Variants in NAV3 observed in about 807,000 individuals in gnomAD.
NAV3 encodes the protein pore membrane and/or filament interacting like protein 1.
Under a neutral mutation model 244.7 loss-of-function variants are expected in NAV3, and 87 were observed. The observed-to-expected ratio is 0.36, with a 90% CI of 0.30 to 0.42. The LOEUF (loss-of-function observed/expected upper bound fraction) is 0.42. NAV3 is among the 20% of genes least tolerant of loss of function. The pLI, the probability that NAV3 is intolerant of heterozygous loss-of-function variation, is 1.00. For synonymous variants in NAV3, 1,126 were observed against 1,042.2 expected (o/e 1.08, Z -1.55); for missense variants, 2,663 against 2,893.3 (o/e 0.92, Z 1.83).
At chr12:77,911,828 C>T (rs1242289) in intron 1 of NAV3, among the ~76,000 whole-genome samples, 16,804 of 152,022 alleles carry the variant, frequency 0.11, 1,068 homozygotes, top group South Asian at 0.2. Context: ...AGTTGAGCCA[C>T]GCTAATTAGA....
chr12:77,945,466 C>T (rs775758508), intron 3 of NAV3, among the ~76,000 whole-genome samples: 9 of 151,920 alleles, frequency 5.9e-5, no homozygotes, highest in African/African-American at 9.7e-5. Context: ...GGATTATGGC[C>T]GGAACAGGGA....
intron 31 of NAV3, 93 bp downstream of exon 31, chr12:78,185,791 T>A: frequency 1.9e-6 from 2 of 1,062,640 alleles, no homozygotes; most frequent in Non-Finnish European, 2.8e-6. Flanking sequence ...CTGGTAAATA[T>A]CCTACAACAA....
At chr12:78,147,430 T>A (rs1280071400) in intron 21 of NAV3, among the ~76,000 whole-genome samples, 1 of 152,086 alleles carries the variant, frequency 6.6e-6, no homozygotes, top group Admixed American at 6.6e-5. Context: ...CTTTACAGTT[T>A]CCTGGATTAT....
chr12:78,087,488 C>A (rs2137942790), intron 12 of NAV3, among the ~76,000 whole-genome samples: 1 of 151,930 alleles, frequency 6.6e-6, no homozygotes, highest in East Asian at 1.9e-4. Flanking sequence ...CAATCTACAG[C>A]AAGAAATGAG....
At chr12:77,774,437 G>A (rs1450179031) in intron 2 of NAV3, among the ~76,000 whole-genome samples, 1 of 152,064 alleles carries the variant, frequency 6.6e-6, no homozygotes, top group African/African-American at 2.4e-5. Flanking sequence ...CTTCTCGGAG[G>A]ACATTATTTT....
intron 21 of NAV3, among the ~76,000 whole-genome samples, chr12:78,146,875 C>G (rs1397882380): frequency 6.6e-6 from 1 of 152,024 alleles, no homozygotes; most frequent in African/African-American, 2.4e-5. Context: ...TTGTTCTAAT[C>G]ACATATTTCA....
intron 26 of NAV3, among the ~76,000 whole-genome samples, chr12:78,176,902 C>T (rs1958252043): frequency 6.6e-6 from 1 of 152,062 alleles, no homozygotes. Context: ...TGCCCTTGAC[C>T]TTGCACTATT....
intron 3 of NAV3, among the ~76,000 whole-genome samples, chr12:77,943,878 C>G (rs1472558908): frequency 6.6e-6 from 1 of 152,044 alleles, no homozygotes; most frequent in Non-Finnish European, 1.5e-5. Flanking sequence ...AACTTGCTAC[C>G]CTTTATTGAA....
intron 8 of NAV3, among the ~76,000 whole-genome samples, chr12:78,014,135 A>G (rs1875783687): frequency 1.3e-5 from 2 of 152,104 alleles, no homozygotes; most frequent in Admixed American, 1.3e-4. Context: ...TTACAGAGAA[A>G]AGGGAGACCT....
intron 10 of NAV3, among the ~76,000 whole-genome samples, chr12:78,050,558 C>A (rs1464365474): frequency 2.0e-5 from 3 of 152,094 alleles, no homozygotes; most frequent in Non-Finnish European, 4.4e-5. Context: ...GTACTGATGG[C>A]CTTTCTTTTG....
chr12:78,156,303 T>C (rs987488806), intron 22 of NAV3, among the ~76,000 whole-genome samples: 1 of 152,098 alleles, frequency 6.6e-6, no homozygotes, highest in African/African-American at 2.4e-5. Context: ...GATCAGATGG[T>C]TGTAGGTGTT....
chr12:77,797,613 T>G (rs1376564984), intron 2 of NAV3, among the ~76,000 whole-genome samples: 3 of 122,136 alleles, frequency 2.5e-5, no homozygotes, highest in Non-Finnish European at 5.0e-5. Context: ...GAGGCCGAGG[T>G]GGGCGGATCA....
At position 78,177,688 on chromosome 12, in the gene NAV3, A is replaced by C; in HGVS notation, c.5363+3A>C. On this transcript the variant is annotated splice_donor_region_variant and intron_variant, in intron 28 of 39. Transcript: ENST00000397909. ...GTGATCTACAAGCATAGATCTCGGT[A>C]AAGTGGAGTGCGATGCATGAATACT... 1 of 1,596,742 alleles carries C rather than the reference A, an allele frequency of 6.3e-7. No individual in the cohort carries two copies. The highest frequency in any genetic ancestry group is 1.3e-5 in the African/African-American group (1 of 74,864).
intron 8 of NAV3, among the ~76,000 whole-genome samples, chr12:78,020,926 C>T (rs1427961878): frequency 6.6e-6 from 1 of 152,124 alleles, no homozygotes; most frequent in Non-Finnish European, 1.5e-5. Flanking sequence ...ACCTCGCCTC[C>T]TTCTGTGTCT....
intron 1 of NAV3, among the ~76,000 whole-genome samples, chr12:77,925,855 A>G (rs993888677): frequency 1.3e-5 from 2 of 152,134 alleles, no homozygotes; most frequent in Non-Finnish European, 2.9e-5. Flanking sequence ...GATCTCACCA[A>G]TATGTTTTGC....
At chr12:77,967,365 C>T (rs1892609878) in intron 4 of NAV3, among the ~76,000 whole-genome samples, 1 of 152,082 alleles carries the variant, frequency 6.6e-6, no homozygotes, top group Non-Finnish European at 1.5e-5. Flanking sequence ...TTAACACTCT[C>T]TCACTGTAGC....
intron 2 of NAV3, among the ~76,000 whole-genome samples, chr12:77,669,552 T>C (rs1384779680): frequency 1.3e-5 from 2 of 152,126 alleles, no homozygotes; most frequent in Non-Finnish European, 2.9e-5. Flanking sequence ...GGAATAGCTA[T>C]TCTTATATCA....
intron 33 of NAV3, among the ~76,000 whole-genome samples, 167 bp downstream of exon 33, chr12:78,188,944 C>A (rs1454890562): frequency 6.6e-6 from 1 of 151,656 alleles, no homozygotes; most frequent in Non-Finnish European, 1.5e-5. Context: ...TTAAATACTA[C>A]AATCCTACTA....
At chr12:77,794,617 T>A (rs111835532) in intron 2 of NAV3, among the ~76,000 whole-genome samples, 1 of 152,320 alleles carries the variant, frequency 6.6e-6, no homozygotes, top group African/African-American at 2.4e-5. Flanking sequence ...TTGCATTTTT[T>A]AAAAAAACTA....
Sources: gnomAD v4.1 joint callset for allele counts (sites outside exome capture counted in the v4.1 genomes callset) on GRCh38, gnomAD v4.1.1 for gene constraint, MANE v1.5 for transcripts, NCBI Gene and HGNC (gene_info 2026-07-23, HGNC 2026-07-21) for gene names.